SGCD: variants seen among roughly 807,000 people sequenced by gnomAD.
The protein encoded by SGCD is delta-sarcoglycan.
SGCD carries 18 observed loss-of-function variants against 36.6 expected under a neutral mutation model. The observed-to-expected ratio is 0.49, with a 90% confidence interval of 0.34 to 0.73. SGCD has a LOEUF of 0.73. Ranked by LOEUF, SGCD falls within the 30% of genes least tolerant of loss-of-function variation. The pLI, the probability that SGCD is intolerant of heterozygous loss-of-function variation, is 0.01. For synonymous variants in SGCD, 133 were observed against 130.6 expected (o/e 1.02, Z -0.12); for missense variants, 387 against 346.7 (o/e 1.12, Z -0.92).
intron 6 of SGCD, among the ~76,000 whole-genome samples, chr5:156,627,045 C>A (rs1025238923): frequency 6.6e-6 from 1 of 152,186 alleles, no homozygotes; most frequent in Admixed American, 6.5e-5. Context: ...TCCTTTAAGG[C>A]TGCTTTGGAC....
rs1032391277 is a variant in SGCD at position 156,501,238 on chromosome 5, C to G, written c.193-7363C>G. Among the ~76,000 whole-genome samples, 27 of 152,142 alleles carry G rather than the reference C, an allele frequency of 1.8e-4. 3 individuals are homozygous for G. Among genetic ancestry groups the G allele is most frequent in the Non-Finnish European group, 7.4e-5 (5 of 68,020 alleles). ...CTTCTTGCCTCCTTTCCCAGCACAT[C>G]TAGCACAGTTCATTCAATGAGATTC... On this transcript the variant is annotated intron_variant, in intron 3 of 8. Coordinates refer to ENST00000337851, the MANE Select transcript of SGCD (RefSeq NM_000337.6).
intron 4 of SGCD, among the ~76,000 whole-genome samples, chr5:156,515,501 G>C (rs756171156): frequency 1.3e-5 from 2 of 152,148 alleles, no homozygotes; most frequent in Non-Finnish European, 2.9e-5. Context: ...GACCCACAGA[G>C]AGTGAGGATA....
chr5:156,189,267 C>G (rs1341541515), intron 3 of SGCD, among the ~76,000 whole-genome samples: 2 of 152,086 alleles, frequency 1.3e-5, no homozygotes, highest in African/African-American at 4.8e-5. Context: ...CTGAAAACCT[C>G]TGGGGGTTGA....
intron 1 of SGCD, among the ~76,000 whole-genome samples, chr5:156,086,161 T>C (rs566558575): frequency 4.4e-4 from 67 of 152,392 alleles, no homozygotes; most frequent in African/African-American, 1.5e-3. Flanking sequence ...CTTTCCCATT[T>C]GAAATAACAT....
intron 2 of SGCD, among the ~76,000 whole-genome samples, chr5:156,341,319 TTTTTA>T (rs976288664): frequency 1.2e-4 from 18 of 152,246 alleles, no homozygotes; most frequent in African/African-American, 3.4e-4. Context: ...CTTTTTTTAT[TTTTTA>T]TTTTATTTTA....
chr5:156,741,512 G>A (rs1245861973), intron 7 of SGCD, among the ~76,000 whole-genome samples: 1 of 150,704 alleles, frequency 6.6e-6, no homozygotes, highest in Admixed American at 6.6e-5. Context: ...ATGCAGAAAT[G>A]TGCCACGAAA....
chr5:155,889,371 C>G (rs1756074663), intron 1 of SGCD, among the ~76,000 whole-genome samples: 1 of 152,024 alleles, frequency 6.6e-6, no homozygotes, highest in African/African-American at 2.4e-5. Flanking sequence ...CTCTTGTACT[C>G]TAAGAGCTAA....
intron 3 of SGCD, among the ~76,000 whole-genome samples, chr5:156,429,718 G>T (rs1258980026): frequency 1.3e-5 from 2 of 151,810 alleles, no homozygotes; most frequent in African/African-American, 2.4e-5. Flanking sequence ...ATCTGGTAGT[G>T]GCAAATTCTC....
At chr5:156,395,866 T>A (rs1452722740) in intron 3 of SGCD, among the ~76,000 whole-genome samples, 1 of 152,198 alleles carries the variant, frequency 6.6e-6, no homozygotes, top group East Asian at 1.9e-4. Flanking sequence ...TCTCTAGAGT[T>A]CCTTCTAGGT....
chr5:156,681,533 G>A (rs981656532), intron 7 of SGCD, among the ~76,000 whole-genome samples: 1 of 152,176 alleles, frequency 6.6e-6, no homozygotes, highest in Non-Finnish European at 1.5e-5. Context: ...TAGTGCTGCG[G>A]TTCCAGGCTT....
intron 1 of SGCD, among the ~76,000 whole-genome samples, chr5:156,069,931 T>C (rs1162999252): frequency 6.6e-6 from 1 of 152,106 alleles, no homozygotes; most frequent in African/African-American, 2.4e-5. Context: ...GCTCTCTGTT[T>C]GTCTGTTATT....
rs895390349 is a variant in SGCD at position 156,533,192 on chromosome 5, G to A, written c.294+24490G>A. On this transcript the variant is annotated intron_variant, in intron 4 of 8. Transcript: ENST00000337851. The stretch of plus-strand genomic sequence containing the variant: ...TCTGGTCATTCCTCACACCCCCTCT[G>A]ATGGCTTCTGTACTGTAGTTTCTCT... Among the ~76,000 whole-genome samples, 9 of 152,068 alleles carry A rather than the reference G, an allele frequency of 5.9e-5. No individual in the cohort carries two copies. The East Asian group carries it at 1.5e-3, about 26-fold the overall frequency.
At chr5:156,327,976 G>A (rs1245984024) in intron 1 of SGCD, among the ~76,000 whole-genome samples, 2 of 152,160 alleles carry the variant, frequency 1.3e-5, no homozygotes, top group East Asian at 3.8e-4. Context: ...ACAGAAAATG[G>A]CAGTTTACTC....
intron 6 of SGCD, among the ~76,000 whole-genome samples, chr5:156,611,192 G>T (rs1007620993): frequency 2.6e-5 from 4 of 152,134 alleles, no homozygotes; most frequent in Non-Finnish European, 5.9e-5. Context: ...TCCTCCCCTC[G>T]ATTATGAATT....
At chr5:156,386,755 G>C (rs1771296614) in intron 3 of SGCD, among the ~76,000 whole-genome samples, 1 of 152,186 alleles carries the variant, frequency 6.6e-6, no homozygotes, top group Non-Finnish European at 1.5e-5. Context: ...TGGAGGGATG[G>C]GGCACAAGTG....
the SGCD span, among the ~76,000 whole-genome samples, chr5:155,825,728 GTTT>G: frequency 7.1e-4 from 105 of 147,108 alleles, no homozygotes; most frequent in Middle Eastern, 3.6e-3. Context: ...TTTATTATTT[GTTT>G]TTTTTTTTTT....
intron 3 of SGCD, among the ~76,000 whole-genome samples, chr5:156,288,833 G>A (rs1408452502): frequency 6.6e-6 from 1 of 152,016 alleles, no homozygotes; most frequent in African/African-American, 2.4e-5. Context: ...TCTAGACACT[G>A]GCCCCTTGGG....
At chr5:156,707,500 T>TG (rs1754794320) in intron 7 of SGCD, among the ~76,000 whole-genome samples, 1 of 152,124 alleles carries the variant, frequency 6.6e-6, no homozygotes, top group East Asian at 1.9e-4. Context: ...AGACAGTAAC[T>TG]AACATGAAAG....
intron 3 of SGCD, among the ~76,000 whole-genome samples, chr5:156,169,779 C>T (rs938143234): frequency 7.3e-5 from 11 of 151,614 alleles, no homozygotes; most frequent in African/African-American, 2.4e-4. Context: ...TCTGAGGTTC[C>T]GAGTGGGATT....
Sources: allele counts gnomAD v4.1 joint callset (sites outside exome capture counted in the v4.1 genomes callset), GRCh38; gene constraint gnomAD v4.1.1; transcripts MANE v1.5; gene names NCBI Gene and HGNC (gene_info 2026-07-23, HGNC 2026-07-21).